Variants in ZNF385D observed in about 807,000 individuals in gnomAD.
ZNF385D encodes zinc finger protein 385D.
A neutral mutation model predicts 35.8 loss-of-function variants in ZNF385D; 15 were observed. That is an observed-to-expected ratio of 0.42 (90% CI 0.28 to 0.64). The LOEUF is 0.64. Among genes scored for constraint, ZNF385D ranks in the 30% least tolerant of loss-of-function variants. The pLI, the probability that ZNF385D is intolerant of heterozygous loss-of-function variation, is 0.23. For missense variants in ZNF385D, 474 were observed against 494.6 expected, an observed-to-expected ratio of 0.96 and a Z score of 0.39; for synonymous variants, 212 against 186.8, an observed-to-expected ratio of 1.13 and a Z score of -1.10.
chr3:22,186,895 T>C (rs1181000855), intron 2 of ZNF385D, among the ~76,000 whole-genome samples: 1 of 152,186 alleles, frequency 6.6e-6, no homozygotes, highest in African/African-American at 2.4e-5. Context: ...TATAAACACT[T>C]AAATAATGTT....
intron 4 of ZNF385D, among the ~76,000 whole-genome samples, chr3:21,494,700 T>G (rs1282342639): frequency 6.6e-6 from 1 of 152,144 alleles, no homozygotes; most frequent in Non-Finnish European, 1.5e-5. Context: ...TTTACAAGCC[T>G]CTAGCACAAA....
intron 3 of ZNF385D, among the ~76,000 whole-genome samples, chr3:22,005,447 T>G (rs1679252): frequency 0.57 from 86,789 of 151,756 alleles, 27,418 homozygotes; most frequent in Non-Finnish European, 0.71. Flanking sequence ...GGTAACTATT[T>G]TTAACAACAA....
intron 3 of ZNF385D, among the ~76,000 whole-genome samples, chr3:21,923,277 T>A (rs1189160774): frequency 6.6e-5 from 10 of 151,312 alleles, no homozygotes. Flanking sequence ...TTATTAATCA[T>A]CAGAGAAATG....
chr3:22,181,512 C>T (rs778300343), intron 2 of ZNF385D, among the ~76,000 whole-genome samples: 11 of 151,878 alleles, frequency 7.2e-5, no homozygotes, highest in Non-Finnish European at 1.5e-4. Flanking sequence ...CTGGCGAACA[C>T]GGTGAAACCC....
chr3:21,728,648 T>C (rs764217472), intron 1 of ZNF385D, among the ~76,000 whole-genome samples: 6 of 152,130 alleles, frequency 3.9e-5, no homozygotes, highest in Non-Finnish European at 5.9e-5. Context: ...AAACAAGTTA[T>C]GTATTTTTGC....
intron 2 of ZNF385D, among the ~76,000 whole-genome samples, chr3:22,188,981 T>G (rs910040240): frequency 3.9e-5 from 6 of 152,180 alleles, no homozygotes; most frequent in Non-Finnish European, 7.3e-5. Context: ...TACGCTGATT[T>G]AGAGCAAGTT....
At chr3:21,949,941 T>A (rs1401919818) in intron 3 of ZNF385D, among the ~76,000 whole-genome samples, 2 of 152,200 alleles carry the variant, frequency 1.3e-5, no homozygotes, top group African/African-American at 4.8e-5. Flanking sequence ...CACATTTTCT[T>A]TATCTAGTTT....
chr3:22,252,101 C>T (rs1251235393), intron 2 of ZNF385D, among the ~76,000 whole-genome samples: 3 of 152,042 alleles, frequency 2.0e-5, no homozygotes, highest in Non-Finnish European at 2.9e-5. Flanking sequence ...TGACACATTT[C>T]CATAACTAAA....
At position 21,828,093 on chromosome 3, in the gene ZNF385D, G is replaced by A. The variant is rs561855361; in HGVS notation, c.326-163065C>T. On this transcript the variant is annotated intron_variant, in intron 3 of 5. Coordinates refer to the ZNF385D transcript ENST00000494108. ...ATCTATGGGAATATTATGTCTGTAA[G>A]CATAAATATAAACCATGAATTAACA... Among the ~76,000 whole-genome samples, 4 of 152,228 alleles carry A rather than the reference G, an allele frequency of 2.6e-5. No homozygotes were observed. The South Asian group carries it at 8.3e-4, about 32-fold the overall frequency.
chr3:21,669,648 A>G (rs2066502601), intron 1 of ZNF385D, among the ~76,000 whole-genome samples: 1 of 152,172 alleles, frequency 6.6e-6, no homozygotes, highest in Non-Finnish European at 1.5e-5. Context: ...GTCAGTGGAA[A>G]TTTACTGTAT....
At chr3:21,832,629 C>G (rs1403734548) in intron 3 of ZNF385D, among the ~76,000 whole-genome samples, 1 of 152,158 alleles carries the variant, frequency 6.6e-6, no homozygotes, top group Non-Finnish European at 1.5e-5. Context: ...TTGCATTATT[C>G]AACTTCACAT....
At chr3:21,996,775 C>G (rs956475364) in intron 3 of ZNF385D, among the ~76,000 whole-genome samples, 1 of 152,108 alleles carries the variant, frequency 6.6e-6, no homozygotes, top group Non-Finnish European at 1.5e-5. Context: ...CTATCTTAAC[C>G]TTAGTTATGA....
chr3:22,037,520 G>C (rs1168043360), intron 3 of ZNF385D, among the ~76,000 whole-genome samples: 2 of 152,186 alleles, frequency 1.3e-5, no homozygotes, highest in South Asian at 4.1e-4. Flanking sequence ...CTTTTGAGAA[G>C]TGTCTGTTCA....
In ZNF385D at chr3:21,416,632, T is replaced by C. The variant is rs1445340826; in HGVS notation, c.*4582A>G. On this transcript the variant is annotated 3_prime_UTR_variant, in exon 8 of 8. Coordinates refer to ENST00000281523, the MANE Select transcript of ZNF385D (RefSeq NM_024697.3). The stretch of plus-strand genomic sequence containing the variant: ...TGCTCCAGAGATAAATCTCCCCATG[T>C]AGAAAGAAAAAAAAATCAGCAAAAG... 6.6e-6 allele frequency: 1 copy of C among 151,916 alleles called. No individual in the cohort carries two copies. Among genetic ancestry groups the C allele is most frequent in the East Asian group, 1.9e-4 (1 of 5,188 alleles). The allele number at this position is 151,916 out of a possible 1,614,324, so 9.4% of individuals were successfully genotyped here. A position where few individuals can be genotyped will look rare whatever the true frequency, so the allele number is the denominator to read the frequency against.
intron 2 of ZNF385D, among the ~76,000 whole-genome samples, chr3:22,186,029 A>G (rs1315936802): frequency 6.6e-6 from 1 of 152,096 alleles, no homozygotes; most frequent in Non-Finnish European, 1.5e-5. Context: ...AAAATTGTAA[A>G]TAGGCACAAC....
intron 3 of ZNF385D, among the ~76,000 whole-genome samples, chr3:21,555,944 T>A (rs191253885): frequency 7.9e-5 from 12 of 152,320 alleles, no homozygotes; most frequent in South Asian, 2.1e-4. Flanking sequence ...GGTTTTGATT[T>A]GCATTTCTCT....
intron 3 of ZNF385D, among the ~76,000 whole-genome samples, chr3:21,831,046 G>A (rs967901154): frequency 9.9e-5 from 15 of 152,136 alleles, no homozygotes; most frequent in Non-Finnish European, 1.3e-4. Context: ...TGTACCCAGC[G>A]AGACTGGAGA....
chr3:21,972,534 T>C (rs1018872933), intron 3 of ZNF385D, among the ~76,000 whole-genome samples: 1 of 151,554 alleles, frequency 6.6e-6, no homozygotes, highest in African/African-American at 2.4e-5. Context: ...AAGTAGAAGA[T>C]CAAGAACAAA....
chr3:22,215,807 C>A (rs992706421), intron 2 of ZNF385D, among the ~76,000 whole-genome samples: 1 of 151,956 alleles, frequency 6.6e-6, no homozygotes. Flanking sequence ...GGTTTTACGG[C>A]TCAAGGGGCA....
Sources: gnomAD v4.1 joint callset for allele counts (sites outside exome capture counted in the v4.1 genomes callset) on GRCh38, gnomAD v4.1.1 for gene constraint, MANE v1.5 for transcripts, NCBI Gene and HGNC (gene_info 2026-07-23, HGNC 2026-07-21) for gene names.